ROBO2: variants seen among roughly 807,000 people sequenced by gnomAD.
ROBO2 encodes roundabout homolog 2.
In ROBO2, 53 loss-of-function variants were observed where a neutral mutation model predicts 160.8. The observed-to-expected ratio is 0.33, with a 90% confidence interval of 0.26 to 0.41. ROBO2 has a LOEUF of 0.41. Among genes scored for constraint, ROBO2 ranks in the 10% least tolerant of loss-of-function variants. The pLI is 1.00. For missense variants in ROBO2, 1,577 were observed against 1,722.4 expected (o/e 0.92, Z 1.49); for synonymous variants, 664 against 611.7 (o/e 1.09, Z -1.26).
intron 2 of ROBO2, among the ~76,000 whole-genome samples, chr3:76,494,770 C>T (rs149805227): frequency 0.011 from 1,604 of 152,190 alleles, 24 homozygotes; most frequent in African/African-American, 0.036. Context: ...AAAAGCATTA[C>T]GCTAAGTGAA....
intron 2 of ROBO2, among the ~76,000 whole-genome samples, chr3:76,010,387 T>G (rs1043080695): frequency 6.6e-6 from 1 of 152,246 alleles, no homozygotes; most frequent in African/African-American, 2.4e-5. Context: ...GGTCCACTTA[T>G]GAAGGAGGCT....
At chr3:77,633,603 C>T (rs1395085998) in intron 23 of ROBO2, 1 of 152,154 alleles carries the variant, frequency 6.6e-6, no homozygotes, top group African/African-American at 2.4e-5. Flanking sequence ...TTACCCTTCA[C>T]TAAACTCTCA....
At chr3:77,047,770 G>A (rs946490231) in intron 1 of ROBO2, among the ~76,000 whole-genome samples, 43 of 143,304 alleles carry the variant, frequency 3.0e-4, no homozygotes, top group African/African-American at 1.1e-3. Context: ...TGGGCTGGGC[G>A]CGGTGGCTCA....
intron 2 of ROBO2, among the ~76,000 whole-genome samples, chr3:76,625,556 G>A (rs2089576767): frequency 6.6e-6 from 1 of 152,104 alleles, no homozygotes; most frequent in African/African-American, 2.4e-5. Flanking sequence ...TTTGGAAAAT[G>A]CAAGAAGAGG....
chr3:76,139,469 G>A (rs1261358264), intron 2 of ROBO2, among the ~76,000 whole-genome samples: 1 of 152,036 alleles, frequency 6.6e-6, no homozygotes, highest in Admixed American at 6.6e-5. Context: ...AGCTTTTCTA[G>A]GGAGGACTGT....
rs1423590632 is a variant in ROBO2, at chr3:76,425,508, GTGTGTGTGTGTGTGTGTC to G, written c.109+487922_109+487939del. On this transcript the variant is annotated intron_variant, in intron 2 of 26. Transcript: ENST00000487694. ...AGCAAGTGTGTGTGTGTGTGTGTGT[GTGTGTGTGTGTGTGTGTC>G]TGTGTGTGTGTGTGTCTGTGTGTTC... is the stretch of plus-strand genomic sequence containing the variant. Among the ~76,000 whole-genome samples the G allele has an allele frequency of 3.6e-4, 54 of 151,246 alleles. 1 individual carries two copies. In the East Asian group the frequency reaches 0.01, roughly 29 times the overall value.
chr3:76,230,349 C>T (rs932133469), intron 2 of ROBO2, among the ~76,000 whole-genome samples: 5 of 152,126 alleles, frequency 3.3e-5, no homozygotes, highest in Admixed American at 1.3e-4. Flanking sequence ...TTACATAGCA[C>T]GTCCTTCCCA....
chr3:76,173,066 G>C (rs550662833), intron 2 of ROBO2, among the ~76,000 whole-genome samples: 1 of 151,978 alleles, frequency 6.6e-6, no homozygotes, highest in South Asian at 2.1e-4. Flanking sequence ...ACCACATGGC[G>C]TAAGGTGATG....
rs559480858 is a variant in ROBO2 at position 76,075,558 on chromosome 3, T to A, written c.109+137956T>A. 4.3e-4 allele frequency among the ~76,000 whole-genome samples: 65 copies of A among 151,762 alleles called. No homozygotes were observed. In the South Asian group the frequency reaches 7.7e-3, roughly 18 times the overall value. On this transcript the variant is annotated intron_variant, in intron 2 of 26. Transcript: ENST00000487694. ...GCTATTTGCAAAACTAATTTAAAATTTCTTAGATTGAATTAAATGTAACAT... is the reference window on the plus strand; with the variant it reads ...GCTATTTGCAAAACTAATTTAAAATATCTTAGATTGAATTAAATGTAACAT...
intron 2 of ROBO2, among the ~76,000 whole-genome samples, chr3:76,820,339 C>G (rs1235325877): frequency 6.6e-6 from 1 of 151,978 alleles, no homozygotes; most frequent in Admixed American, 6.6e-5. Flanking sequence ...AAATAACTTT[C>G]TACTTGAATC....
intron 2 of ROBO2, among the ~76,000 whole-genome samples, chr3:76,610,601 G>A (rs933547731): frequency 6.6e-6 from 1 of 152,192 alleles, no homozygotes; most frequent in Non-Finnish European, 1.5e-5. Context: ...TTGGCGAGTG[G>A]GAGCATGTCA....
chr3:76,367,872 C>T (rs187591010), intron 2 of ROBO2, among the ~76,000 whole-genome samples: 2 of 151,560 alleles, frequency 1.3e-5, no homozygotes, highest in Admixed American at 1.3e-4. Context: ...GTGTTATCAA[C>T]AAGGAAATAT....
chr3:77,095,579 G>C (rs1010794291), intron 1 of ROBO2, among the ~76,000 whole-genome samples: 6 of 152,084 alleles, frequency 3.9e-5, no homozygotes, highest in Non-Finnish European at 5.9e-5. Context: ...GATTCATGGA[G>C]AACAAAGGGG....
chr3:77,063,634 C>T (rs1483474414), intron 1 of ROBO2, among the ~76,000 whole-genome samples: 4 of 152,132 alleles, frequency 2.6e-5, no homozygotes, highest in South Asian at 4.1e-4. Context: ...TAGGCTACTT[C>T]GTGTGAAGAG....
chr3:77,078,591 A>G (rs1163556312), intron 1 of ROBO2, among the ~76,000 whole-genome samples: 3 of 152,170 alleles, frequency 2.0e-5, no homozygotes, highest in African/African-American at 7.2e-5. Context: ...TTTCATCCTT[A>G]ACATAGTATG....
At chr3:77,045,062 G>A (rs1004137429) in intron 1 of ROBO2, among the ~76,000 whole-genome samples, 18 of 151,992 alleles carry the variant, frequency 1.2e-4, no homozygotes, top group East Asian at 7.7e-4. Context: ...GGAGGGAGGC[G>A]GGCGGTAGGG....
chr3:76,480,317 GA>G (rs2079142757), intron 2 of ROBO2, among the ~76,000 whole-genome samples: 1 of 152,030 alleles, frequency 6.6e-6, no homozygotes, highest in Admixed American at 6.6e-5. Context: ...AATGAATTTT[GA>G]AAACTGGCCC....
chr3:76,872,922 T>A (rs761436422), intron 2 of ROBO2, among the ~76,000 whole-genome samples: 1 of 152,090 alleles, frequency 6.6e-6, no homozygotes, highest in Non-Finnish European at 1.5e-5. Context: ...AGTAGAAACA[T>A]GAAGATCTTA....
At position 76,756,723 on chromosome 3, in the gene ROBO2, T is replaced by C. The variant is rs537411162; in HGVS notation, c.110-341291T>C. ...CGGGAGTACTCCACCTAAGACCGCA[T>C]GCTCTGTCAATCTGTTACCAGGAAG... is the stretch of plus-strand genomic sequence containing the variant. On this transcript the variant is annotated intron_variant, in intron 2 of 26. Transcript: ENST00000487694. 2.6e-5 allele frequency among the ~76,000 whole-genome samples: 4 copies of C among 152,004 alleles called. No homozygotes were observed. The South Asian group carries it at 8.3e-4, about 31-fold the overall frequency.
Sources: allele counts gnomAD v4.1 joint callset (sites outside exome capture counted in the v4.1 genomes callset), GRCh38; gene constraint gnomAD v4.1.1; transcripts MANE v1.5; gene names NCBI Gene and HGNC (gene_info 2026-07-23, HGNC 2026-07-21).